PARD3: variants seen among roughly 807,000 people sequenced by gnomAD.
The protein encoded by PARD3 is par-3 family cell polarity regulator, also known as partitioning defective 3 homolog.
In PARD3, 75 loss-of-function variants were observed where a neutral mutation model predicts 155.4. The observed-to-expected ratio is 0.48, with a 90% CI of 0.40 to 0.58. The LOEUF (loss-of-function observed/expected upper bound fraction) is 0.58. PARD3 is among the 20% of genes least tolerant of loss of function. The pLI, the probability that PARD3 is intolerant of heterozygous loss-of-function variation, is 0.00. For missense variants in PARD3, 1,642 were observed against 1,721.7 expected, an observed-to-expected ratio of 0.95 and a Z score of 0.82; for synonymous variants, 576 against 610.5, an observed-to-expected ratio of 0.94 and a Z score of 0.83.
chr10:34,156,942 A>C (rs995459), intron 22 of PARD3, among the ~76,000 whole-genome samples: 83,228 of 151,916 alleles, frequency 0.55, 23,209 homozygotes, highest in African/African-American at 0.64. Context: ...TTTCAGTGGA[A>C]AAAAGGAGGG....
chr10:34,463,454 C>A (rs1235505695), intron 4 of PARD3, among the ~76,000 whole-genome samples: 1 of 151,880 alleles, frequency 6.6e-6, no homozygotes, highest in African/African-American at 2.4e-5. Flanking sequence ...AAACAGTAGA[C>A]AGAAACATTG....
intron 16 of PARD3, among the ~76,000 whole-genome samples, chr10:34,338,163 A>T (rs7913268): frequency 2.0e-5 from 3 of 152,026 alleles, no homozygotes; most frequent in Non-Finnish European, 4.4e-5. Context: ...TCAGGAAGAA[A>T]ATGACTAAGT....
chr10:34,741,174 A>ATT (rs71033345), intron 1 of PARD3, among the ~76,000 whole-genome samples: 36 of 114,306 alleles, frequency 3.1e-4, no homozygotes, highest in African/African-American at 8.7e-4. Flanking sequence ...CGTAAACCAA[A>ATT]TTTTTTTTTT....
At chr10:34,223,141 G>A (rs1012359675) in intron 22 of PARD3, among the ~76,000 whole-genome samples, 3 of 152,108 alleles carry the variant, frequency 2.0e-5, no homozygotes, top group East Asian at 1.9e-4. Context: ...GGAAACACAC[G>A]GGGCCTGTAG....
intron 1 of PARD3, among the ~76,000 whole-genome samples, chr10:34,714,972 C>T (rs907389960): frequency 5.9e-5 from 9 of 151,914 alleles, no homozygotes; most frequent in East Asian, 5.8e-4. Flanking sequence ...CGGCGTCTCA[C>T]CATGTTGGCC....
intron 2 of PARD3, among the ~76,000 whole-genome samples, chr10:34,691,376 C>G (rs1002619908): frequency 2.0e-5 from 3 of 152,138 alleles, no homozygotes; most frequent in Admixed American, 2.0e-4. Flanking sequence ...CCTAGGAATA[C>G]AGCTAACCAA....
intron 22 of PARD3, among the ~76,000 whole-genome samples, chr10:34,135,705 G>C (rs577771480): frequency 5.9e-5 from 9 of 152,316 alleles, no homozygotes; most frequent in South Asian, 2.1e-4. Context: ...CCTTAGGTAC[G>C]ATGAGAGGGA....
At chr10:34,441,402 T>C (rs1402461230) in intron 5 of PARD3, among the ~76,000 whole-genome samples, 1 of 152,216 alleles carries the variant, frequency 6.6e-6, no homozygotes, top group Admixed American at 6.5e-5. Flanking sequence ...CCATTTTGTA[T>C]ACAATGAAAA....
intron 22 of PARD3, among the ~76,000 whole-genome samples, chr10:34,267,732 C>T (rs1027576605): frequency 7.2e-5 from 11 of 152,164 alleles, no homozygotes; most frequent in African/African-American, 2.2e-4. Context: ...AAGTATTTCC[C>T]GTACATCTCT....
At chr10:34,704,201 AACTG>A (rs1308855122) in intron 1 of PARD3, among the ~76,000 whole-genome samples, 3 of 152,306 alleles carry the variant, frequency 2.0e-5, no homozygotes, top group African/African-American at 2.4e-5. Flanking sequence ...CAATTTTAAC[AACTG>A]ACTAAGGCTA....
At chr10:34,537,170 T>C (rs2083284879) in intron 2 of PARD3, among the ~76,000 whole-genome samples, 1 of 152,172 alleles carries the variant, frequency 6.6e-6, no homozygotes, top group South Asian at 2.1e-4. Context: ...ACCTGGCTTA[T>C]GTTTTAATTT....
chr10:34,268,908 C>G (rs1446240067), intron 22 of PARD3, among the ~76,000 whole-genome samples: 1 of 151,788 alleles, frequency 6.6e-6, no homozygotes, highest in Non-Finnish European at 1.5e-5. Context: ...GCACATGTAC[C>G]CTAGAACTTA....
intron 2 of PARD3, among the ~76,000 whole-genome samples, chr10:34,550,253 ACT>A (rs888648111): frequency 6.6e-6 from 1 of 151,966 alleles, no homozygotes; most frequent in African/African-American, 2.4e-5. Flanking sequence ...ACAGGATCTC[ACT>A]CTGTCACCCA....
chr10:34,217,900 C>A (rs550488747), intron 22 of PARD3, among the ~76,000 whole-genome samples: 1 of 152,028 alleles, frequency 6.6e-6, no homozygotes, highest in Admixed American at 6.6e-5. Context: ...CAGATATTGA[C>A]GGATACCTTA....
At chr10:34,452,125 A>G (rs1443790266) in intron 4 of PARD3, among the ~76,000 whole-genome samples, 3 of 152,196 alleles carry the variant, frequency 2.0e-5, no homozygotes, top group Admixed American at 2.0e-4. Flanking sequence ...TTATGTCAAA[A>G]ATAAAAATTG....
intron 7 of PARD3, among the ~76,000 whole-genome samples, chr10:34,391,027 A>T (rs1047876213): frequency 7.2e-5 from 11 of 152,220 alleles, no homozygotes; most frequent in African/African-American, 2.4e-4. Flanking sequence ...GGCTCAAGTC[A>T]TCATTAGGAC....
chr10:34,306,214 G>A (rs1375199470), intron 20 of PARD3, among the ~76,000 whole-genome samples: 1 of 124,202 alleles, frequency 8.1e-6, no homozygotes, highest in Non-Finnish European at 1.9e-5. Context: ...CCAGGAGGCA[G>A]AGGTTGCAGT....
At chr10:34,753,551 T>C (rs1197358976) in intron 1 of PARD3, among the ~76,000 whole-genome samples, 1 of 152,192 alleles carries the variant, frequency 6.6e-6, no homozygotes, top group Non-Finnish European at 1.5e-5. Context: ...ATAACGCAAT[T>C]TTGTATTTTG....
chr10:34,673,618 A>G (rs542619185), intron 2 of PARD3, among the ~76,000 whole-genome samples: 2 of 152,222 alleles, frequency 1.3e-5, no homozygotes, highest in Admixed American at 1.3e-4. Context: ...TTAGTAGCCA[A>G]CACCACCTTT....
Sources: gnomAD v4.1 joint callset for allele counts (sites outside exome capture counted in the v4.1 genomes callset) on GRCh38, gnomAD v4.1.1 for gene constraint, MANE v1.5 for transcripts, NCBI Gene and HGNC (gene_info 2026-07-23, HGNC 2026-07-21) for gene names.